The following SCARB2 variants were observed in gnomAD, a reference collection of about 807,000 sequenced individuals.
SCARB2 encodes scavenger receptor class B member 2, also known as lysosome membrane protein 2.
Under a neutral mutation model 58.6 loss-of-function variants are expected in SCARB2, and 29 were observed. The ratio of observed to expected loss-of-function variants is 0.49; its 90% confidence interval spans 0.37 to 0.67. The LOEUF (loss-of-function observed/expected upper bound fraction) is 0.67. Among genes scored for constraint, SCARB2 ranks in the 30% least tolerant of loss-of-function variants. The pLI is 0.00. For missense variants in SCARB2, 488 were observed against 578.5 expected (o/e 0.84, Z 1.60); for synonymous variants, 195 against 210.1 (o/e 0.93, Z 0.62).
upstream of SCARB2, chr4:76,214,178 T>TC: frequency 2.2e-6 from 1 of 452,896 alleles, no homozygotes; most frequent in South Asian, 1.6e-5. Context: ...GCTGGGACAT[T>TC]CCCCTGCTCT....
At chr4:76,172,328 G>A (rs1732150159) in intron 7 of SCARB2, among the ~76,000 whole-genome samples, 1 of 151,668 alleles carries the variant, frequency 6.6e-6, no homozygotes. Context: ...GTGCAGTGTT[G>A]CAATCATAGC....
At chr4:76,206,718 C>T (rs754095571) in intron 1 of SCARB2, among the ~76,000 whole-genome samples, 1 of 151,082 alleles carries the variant, frequency 6.6e-6, no homozygotes, top group Non-Finnish European at 1.5e-5. Context: ...TACCAAATTA[C>T]GTCATATGGG....
In SCARB2 at chr4:76,168,383, TAGAA is replaced by T; in HGVS notation, c.1187+16_1187+19del. On this transcript the variant is annotated intron_variant, in intron 9 of 11. Transcript: ENST00000264896. ...TGGAGCAAAACTGCTGTCCCCTCCA[TAGAA>T]AGAAGCAAAACTTACACAAAGTCAT... 1 of 1,605,838 alleles carries T rather than the reference TAGAA, an allele frequency of 6.2e-7. No individual in the cohort carries two copies. The highest frequency in any genetic ancestry group is 8.5e-7 in the Non-Finnish European group (1 of 1,172,518).
At chr4:76,196,460 T>C (rs1033156091) in intron 1 of SCARB2, among the ~76,000 whole-genome samples, 4 of 152,322 alleles carry the variant, frequency 2.6e-5, no homozygotes, top group Admixed American at 1.3e-4. Flanking sequence ...AGGGCACAGA[T>C]TGAGTGCCTA....
intron 4 of SCARB2, chr4:76,176,865 A>G (rs552276430): frequency 3.7e-5 from 8 of 214,040 alleles, no homozygotes; most frequent in East Asian, 2.6e-4. Flanking sequence ...CACATCATCA[A>G]CTTTTACCTG....
intron 6 of SCARB2, among the ~76,000 whole-genome samples, 160 bp downstream of exon 6, chr4:76,175,631 C>G (rs1248951646): frequency 6.6e-6 from 1 of 152,186 alleles, no homozygotes; most frequent in East Asian, 1.9e-4. Context: ...TGCTGTGAAC[C>G]AGTACACTAT....
chr4:76,183,259 C>G (rs193217738), intron 2 of SCARB2, among the ~76,000 whole-genome samples: 133 of 152,286 alleles, frequency 8.7e-4, no homozygotes, highest in African/African-American at 3.1e-3. Context: ...GCAGTGTCCT[C>G]CAATTCAATT....
At chr4:76,229,324 C>T (rs981979255) in intron 1 of SCARB2, among the ~76,000 whole-genome samples, 1 of 152,176 alleles carries the variant, frequency 6.6e-6, no homozygotes, top group African/African-American at 2.4e-5. Flanking sequence ...AATCAACCTT[C>T]TGAATTCTTC....
intron 1 of SCARB2, among the ~76,000 whole-genome samples, chr4:76,197,272 A>G (rs1732733045): frequency 1.3e-5 from 2 of 152,226 alleles, no homozygotes; most frequent in South Asian, 4.1e-4. Flanking sequence ...GGCTAGGCCA[A>G]GTGACTAGAT....
chr4:76,163,428 T>C (rs1233447583), intron 10 of SCARB2, 45 bp from the exon 11 acceptor site: 14 of 1,608,056 alleles, frequency 8.7e-6, no homozygotes, highest in Non-Finnish European at 1.2e-5. Context: ...AAACATCCAG[T>C]GTGTAACTGT....
At chr4:76,170,528 AT>A (rs1328589541) in intron 7 of SCARB2, among the ~76,000 whole-genome samples, 1 of 151,982 alleles carries the variant, frequency 6.6e-6, no homozygotes, top group African/African-American at 2.4e-5. Context: ...TTAAAAAAAA[AT>A]TTTTGGTGGT....
chr4:76,209,282 C>T (rs1161022709), intron 1 of SCARB2, among the ~76,000 whole-genome samples: 1 of 152,158 alleles, frequency 6.6e-6, no homozygotes, highest in East Asian at 1.9e-4. Flanking sequence ...AGATGTTTTG[C>T]TGATTTGACT....
chr4:76,211,831 C>T (rs1291973826), intron 1 of SCARB2, among the ~76,000 whole-genome samples: 2 of 152,182 alleles, frequency 1.3e-5, no homozygotes, highest in African/African-American at 2.4e-5. Context: ...TACAATACAC[C>T]GTGCAGTCCT....
Position 76,163,212 on chromosome 4 carries a change from A to G in SCARB2, c.1398+13T>C. 1 of 1,614,196 alleles carries G rather than the reference A, an allele frequency of 6.2e-7. No homozygotes were observed. The highest frequency in any genetic ancestry group is 8.5e-7 in the Non-Finnish European group (1 of 1,180,016). Reference sequence around the variant, plus strand: ...TATCCAGTAAGGAAGAAGTTCCTTCAGCCAGTTCTCACCTCATCCATGGAT... The same window carrying G: ...TATCCAGTAAGGAAGAAGTTCCTTCGGCCAGTTCTCACCTCATCCATGGAT... On this transcript the variant is annotated intron_variant, in intron 11 of 11. Transcript: ENST00000264896.
intron 7 of SCARB2, among the ~76,000 whole-genome samples, chr4:76,172,318 G>A (rs1278186049): frequency 2.6e-5 from 4 of 151,432 alleles, no homozygotes; most frequent in South Asian, 4.2e-4. Context: ...CCAGGCTGGA[G>A]TGCAGTGTTG....
chr4:76,191,756 C>G, intron 2 of SCARB2: 1 of 148,904 alleles, frequency 6.7e-6, no homozygotes, highest in African/African-American at 2.5e-5. Context: ...CCCTCCCTCC[C>G]TCCCTGTCTT....
intron 1 of SCARB2, among the ~76,000 whole-genome samples, chr4:76,210,326 A>T (rs970432670): frequency 2.0e-5 from 3 of 152,188 alleles, no homozygotes; most frequent in African/African-American, 4.8e-5. Flanking sequence ...CAGAAAAAAA[A>T]TGTTTGATTC....
chr4:76,196,610 A>C (rs1329813231), intron 1 of SCARB2, among the ~76,000 whole-genome samples: 1 of 152,188 alleles, frequency 6.6e-6, no homozygotes. Flanking sequence ...CAAGAAGGCC[A>C]GTTTTGGTCC....
chr4:76,174,055 G>A (rs1732192063), intron 7 of SCARB2, 89 bp downstream of exon 7: 13 of 1,503,974 alleles, frequency 8.6e-6, no homozygotes, highest in South Asian at 2.3e-5. Flanking sequence ...GTAGGTGTGC[G>A]CCACTACGCC....
Sources: gnomAD v4.1 joint callset for allele counts (sites outside exome capture counted in the v4.1 genomes callset) on GRCh38, gnomAD v4.1.1 for gene constraint, MANE v1.5 for transcripts, NCBI Gene and HGNC (gene_info 2026-07-23, HGNC 2026-07-21) for gene names.